The following ZC3H13 variants were observed in gnomAD, a reference collection of about 807,000 sequenced individuals.
ZC3H13 encodes the protein zinc finger CCCH domain-containing protein 13.
A neutral mutation model predicts 204.1 loss-of-function variants in ZC3H13; 64 were observed. The ratio of observed to expected loss-of-function variants is 0.31; its 90% confidence interval spans 0.26 to 0.39. The LOEUF (loss-of-function observed/expected upper bound fraction) is 0.39, where lower values mean the gene tolerates loss of function less well. Ranked by LOEUF, ZC3H13 falls within the 10% of genes least tolerant of loss-of-function variation. ZC3H13 has a pLI of 1.00. For synonymous variants in ZC3H13, 667 were observed against 693.7 expected (o/e 0.96, Z 0.60); for missense variants, 1,833 against 2,082.7 (o/e 0.88, Z 2.33).
At chr13:45,963,801 T>G (rs753339302) in intron 17 of ZC3H13, 41 bp downstream of exon 17, 1 of 1,611,218 alleles carries the variant, frequency 6.2e-7, no homozygotes, top group Non-Finnish European at 8.5e-7. Context: ...GCATCTTAAA[T>G]GGTTAACAGA....
chr13:45,963,021 T>G, intron 17 of ZC3H13: 1 of 985,444 alleles, frequency 1.0e-6, no homozygotes, highest in Non-Finnish European at 1.2e-6. Context: ...GATAGGATAT[T>G]TTCAAAGTAG....
intron 7 of ZC3H13, among the ~76,000 whole-genome samples, chr13:46,005,420 C>G (rs1027647350): frequency 1.3e-5 from 2 of 152,060 alleles, no homozygotes; most frequent in African/African-American, 4.8e-5. Flanking sequence ...TCTTTATATT[C>G]AGTAATTTTT....
chr13:46,003,017 T>C (rs2040862538), intron 8 of ZC3H13, 122 bp downstream of exon 8: 9 of 770,392 alleles, frequency 1.2e-5, no homozygotes, highest in Non-Finnish European at 1.8e-5. Context: ...TTAAAATAAA[T>C]ATACACACTA....
chr13:45,975,979 C>T (rs1191427435), intron 11 of ZC3H13, 141 bp from the exon 12 acceptor site: 2 of 1,371,862 alleles, frequency 1.5e-6, no homozygotes, highest in Non-Finnish European at 1.9e-6. Context: ...TTAATTTTAA[C>T]TTAATATCCA....
At chr13:46,051,490 ACGCTC>A (rs2044415555) in intron 1 of ZC3H13, among the ~76,000 whole-genome samples, 2 of 152,202 alleles carry the variant, frequency 1.3e-5, no homozygotes, top group South Asian at 4.1e-4. Context: ...TATTCACAAA[ACGCTC>A]CAATATATTG....
intron 7 of ZC3H13, among the ~76,000 whole-genome samples, chr13:46,006,394 C>T (rs1346508007): frequency 6.6e-6 from 1 of 151,850 alleles, no homozygotes; most frequent in Admixed American, 6.6e-5. Context: ...TAGTTGTTCA[C>T]AGTTTTTTTC....
chr13:45,980,021 C>A lies in ZC3H13; in HGVS notation c.1721-17G>T, dbSNP rs764460614. 144 of 1,577,004 alleles carry A rather than the reference C, an allele frequency of 9.1e-5. No individual in the cohort carries two copies. Among genetic ancestry groups the A allele is most frequent in the Non-Finnish European group, 1.1e-4 (131 of 1,165,980 alleles). On this transcript the variant is annotated splice_polypyrimidine_tract_variant and intron_variant, in intron 10 of 18. Transcript: ENST00000679008. ...CTCGACTTCCTAAACAAAGGATAGA[C>A]ACACAAATGTTTACCACATACACTT...
At position 45,956,989 on chromosome 13, in the gene ZC3H13, A is replaced by G. The variant is rs1254380477; in HGVS notation, c.*138T>C. The G allele has an allele frequency of 2.4e-6, 2 of 825,210 alleles. No homozygotes were observed. Among genetic ancestry groups the G allele is most frequent in the Non-Finnish European group, 1.6e-6 (1 of 607,614 alleles). 51.1% of individuals were successfully genotyped at this position (825,210 alleles called of 1,614,324 possible). ...CCAAAACTAGTGTCTCTAAAGATCA[A>G]AATTCTTCACTCTTTTAGCATGGCT... On this transcript the variant is annotated 3_prime_UTR_variant, in exon 19 of 19. Transcript: ENST00000679008.
chr13:46,012,841 G>A (rs9534281), intron 5 of ZC3H13, among the ~76,000 whole-genome samples: 66,593 of 151,970 alleles, frequency 0.44, 15,052 homozygotes, highest in East Asian at 0.54. Context: ...CTTTACATCA[G>A]TGAATAATAG....
At chr13:46,005,302 C>T (rs920907132) in intron 7 of ZC3H13, among the ~76,000 whole-genome samples, 28 of 152,182 alleles carry the variant, frequency 1.8e-4, no homozygotes, top group Non-Finnish European at 1.2e-4. Context: ...TGACCCAAGT[C>T]TCTGCAGTTC....
intron 15 of ZC3H13, among the ~76,000 whole-genome samples, chr13:45,966,392 T>C (rs1339083933): frequency 6.6e-6 from 1 of 152,198 alleles, no homozygotes; most frequent in East Asian, 1.9e-4. Context: ...ATGTAACCAA[T>C]TTTAGTAACT....
chr13:45,988,814 G>C lies in ZC3H13; in HGVS notation c.1228C>G (p.His410Asp), dbSNP rs749979408. 25 of 1,613,296 alleles carry C rather than the reference G, an allele frequency of 1.5e-5. No homozygotes were observed. The highest frequency in any genetic ancestry group is 2.1e-5 in the Non-Finnish European group (25 of 1,179,400). ...TCCCTCCTTTCATGGCGTCGATCAT[G>C]AGACTGTGAAGTTCGTTCATGATCA... ...RHDHERTSQS[H>D]DRRHERREDT... is the part of the protein sequence containing the mutation. The change falls in exon 9 of 19, where the codon CAT becomes GAT. Residue 410 changes from histidine to aspartate, a missense_variant. Around this residue, in one of 5 missense-constraint regions of ZC3H13, gnomAD observed 1,574 missense variants for 1,757.2 expected, o/e 0.90. Coordinates refer to ENST00000679008, the MANE Select transcript of ZC3H13 (RefSeq NM_001330564.2).
Position 45,969,697 on chromosome 13 carries a change from A to T in ZC3H13, c.2847T>A (p.Ser949=), listed in dbSNP as rs1952418805. The change falls in exon 14 of 19, where the codon TCT becomes TCA. Residue 949 remains serine (S), a synonymous_variant. Coordinates refer to ENST00000679008, the MANE Select transcript of ZC3H13 (RefSeq NM_001330564.2). ...GHHQSEDRET[S]DRAHDENKKK... ...TCTTGTTTTCATCATGAGCTCGATC[A>T]GATGTCTCTCGATCTTCAGACTGGT... is the stretch of plus-strand genomic sequence containing the variant. 1 of 1,613,268 alleles carries T rather than the reference A, an allele frequency of 6.2e-7. No individual in the cohort carries two copies. The highest frequency in any genetic ancestry group is 1.7e-5 in the Admixed American group (1 of 59,904).
At position 46,026,613 on chromosome 13, in the gene ZC3H13, T is replaced by C. The variant is rs111430381; in HGVS notation, c.340-6056A>G. On this transcript the variant is annotated intron_variant, in intron 4 of 18. Transcript: ENST00000679008. ...AAAATATGAAGAAAAACATGAAAGT[T>C]ACTTTTTAAAAATCAAAAGAAAACA... 2.8e-3 allele frequency among the ~76,000 whole-genome samples: 432 copies of C among 152,084 alleles called. 6 individuals are homozygous for C. Among genetic ancestry groups the C allele is most frequent in the African/African-American group, 9.7e-3 (404 of 41,524 alleles).
chr13:46,011,478 CCT>C lies in ZC3H13; in HGVS notation c.523_524del (p.Arg175GlyfsTer19). The C allele has an allele frequency of 1.2e-6, 2 of 1,602,944 alleles. No individual in the cohort carries two copies. Among genetic ancestry groups the C allele is most frequent in the Non-Finnish European group, 1.7e-6 (2 of 1,174,620 alleles). ...SLEMKRQKIQ[R>X]ELMKLEQENM... is the part of the protein sequence containing the mutation. ...TTTCTTGTTCCAGCTTCATTAATTC[CCT>C]CTGTATCTTCTGACGCTTCATTTCC... On this transcript the variant is annotated frameshift_variant, in exon 6 of 19. Coordinates refer to ENST00000679008, the MANE Select transcript of ZC3H13 (RefSeq NM_001330564.2). LOFTEE classifies it high-confidence loss of function.
intron 1 of ZC3H13, among the ~76,000 whole-genome samples, chr13:46,045,927 A>G (rs2043920971): frequency 6.6e-6 from 1 of 152,220 alleles, no homozygotes; most frequent in Non-Finnish European, 1.5e-5. Flanking sequence ...ACTGAAAAAG[A>G]GTTATGCTAA....
At chr13:46,044,878 T>C in intron 3 of ZC3H13, 77 bp downstream of exon 3, 1 of 1,023,016 alleles carries the variant, frequency 9.8e-7, no homozygotes, top group African/African-American at 1.7e-5. Flanking sequence ...TATGGTTGTA[T>C]TTCAGATTTT....
Position 45,989,972 on chromosome 13 carries a change from TTC to T in ZC3H13, c.945-877_945-876del. ...AGAGCTAAAAGCTTATTCAAAAAAA[TTC>T]TGATTTTTTAAGTCAAAGTATTTCT... is the stretch of plus-strand genomic sequence containing the variant. On this transcript the variant is annotated intron_variant, in intron 8 of 18. Coordinates refer to ENST00000679008, the MANE Select transcript of ZC3H13 (RefSeq NM_001330564.2). Among the ~76,000 whole-genome samples, 4 of 152,308 alleles carry T rather than the reference TTC, an allele frequency of 2.6e-5. No individual in the cohort carries two copies. In the Middle Eastern group the frequency reaches 0.014, roughly 518 times the overall value.
At chr13:46,039,139 T>C (rs1209183089) in intron 4 of ZC3H13, among the ~76,000 whole-genome samples, 1 of 152,212 alleles carries the variant, frequency 6.6e-6, no homozygotes, top group East Asian at 1.9e-4. Context: ...TGTAACTCTA[T>C]CCCTTAGGTA....
Sources: allele counts gnomAD v4.1 joint callset (sites outside exome capture counted in the v4.1 genomes callset), GRCh38; gene constraint gnomAD v4.1.1; regional missense constraint gnomAD v4.1.1; transcripts MANE v1.5; gene names NCBI Gene and HGNC (gene_info 2026-07-23, HGNC 2026-07-21).